The following CDKL3 variants were observed in gnomAD, a reference collection of about 807,000 sequenced individuals.
CDKL3 encodes the protein cyclin dependent kinase like 3.
In CDKL3, 65 loss-of-function variants were observed where a neutral mutation model predicts 69.3. The observed-to-expected ratio is 0.94, with a 90% CI of 0.77 to 1.15. CDKL3 has a LOEUF of 1.15. Ranked by LOEUF, CDKL3 falls within the 50% of genes most tolerant of loss-of-function variation. The probability of loss-of-function intolerance (pLI) is 0.00; values close to 1 mark genes in which losing one functional copy is unlikely to be tolerated. For synonymous variants in CDKL3, 202 were observed against 221.6 expected (o/e 0.91, Z 0.79); for missense variants, 652 against 689.2 (o/e 0.95, Z 0.61).
At position 134,359,077 on chromosome 5, in the gene CDKL3, G is replaced by T. The variant is rs1371993020; in HGVS notation, c.360+820C>A. 2.0e-5 allele frequency among the ~76,000 whole-genome samples: 3 copies of T among 152,222 alleles called. No homozygotes were observed. The East Asian group carries it at 5.8e-4, about 30-fold the overall frequency. On this transcript the variant is annotated intron_variant, in intron 3 of 12. Coordinates refer to ENST00000265334, the MANE Select transcript of CDKL3 (RefSeq NM_001113575.2). ...GAGGCGGGCAAATCACTTGAGCCCAGGAGTTTGAGACCAGCCTGGGTAACA... is the reference window on the plus strand; with the variant it reads ...GAGGCGGGCAAATCACTTGAGCCCATGAGTTTGAGACCAGCCTGGGTAACA...
intron 4 of CDKL3, among the ~76,000 whole-genome samples, chr5:134,340,875 T>TA (rs1417096427): frequency 6.6e-6 from 1 of 152,128 alleles, no homozygotes; most frequent in Non-Finnish European, 1.5e-5. Flanking sequence ...ATTTCCCTGA[T>TA]ACCCAAACCA....
At chr5:134,321,703 C>T (rs898411030) in intron 5 of CDKL3, 88 bp downstream of exon 5, 4 of 746,726 alleles carry the variant, frequency 5.4e-6, no homozygotes, top group Non-Finnish European at 6.8e-6. Context: ...TGTACTTACA[C>T]AGAAAAGCTA....
At position 134,304,476 on chromosome 5, in the gene CDKL3, G is replaced by T; in HGVS notation, c.1550C>A (p.Ser517Tyr). 2 of 1,612,774 alleles carry T rather than the reference G, an allele frequency of 1.2e-6. No individual in the cohort carries two copies. Among genetic ancestry groups the T allele is most frequent in the Middle Eastern group, 1.7e-4 (1 of 6,060 alleles). ...ENKRKLNFSR[S>Y]DRKEFHFPEL... is the part of the protein sequence containing the mutation. ...TGGAAAATGGAATTCTTTCCTGTCA[G>T]ATCTGGAAAAATTCAGCTTCCTTTT... is the stretch of plus-strand genomic sequence containing the variant. Residue 517 changes from serine (S) to tyrosine (Y), a missense_variant, in exon 11 of 13, where the codon TCT becomes TAT. Ser to Tyr is a moderately radical substitution (Grantham distance 144). Transcript: ENST00000265334.
downstream of CDKL3, among the ~76,000 whole-genome samples, chr5:134,283,435 C>T (rs1764714547): frequency 6.6e-6 from 1 of 152,168 alleles, no homozygotes; most frequent in Non-Finnish European, 1.5e-5. Flanking sequence ...CAGCAAGTCA[C>T]ATCTTACGTG....
chr5:134,314,489 A>G (rs962616564), intron 6 of CDKL3, among the ~76,000 whole-genome samples: 3 of 152,246 alleles, frequency 2.0e-5, no homozygotes, highest in African/African-American at 7.2e-5. Context: ...GTTCCATACA[A>G]AGACAAACAT....
intron 4 of CDKL3, among the ~76,000 whole-genome samples, chr5:134,336,887 C>T (rs1777247418): frequency 6.6e-6 from 1 of 152,240 alleles, no homozygotes; most frequent in South Asian, 2.1e-4. Context: ...ACGTTTAAGT[C>T]TGCAGAAGCT....
intron 12 of CDKL3, 55 bp downstream of exon 12, chr5:134,302,535 A>G: frequency 1.2e-6 from 1 of 866,524 alleles, no homozygotes; most frequent in Non-Finnish European, 1.8e-6. Context: ...TTATACACTG[A>G]GTCAAGTCCT....
downstream of CDKL3, among the ~76,000 whole-genome samples, chr5:134,295,011 CTTTTTT>C (rs869256167): frequency 2.9e-4 from 29 of 100,424 alleles, no homozygotes; most frequent in Non-Finnish European, 5.5e-4. Flanking sequence ...ATTTTTTTTT[CTTTTTT>C]TTTTTTTTTT....
At chr5:134,369,829 T>TA (rs1319896395), upstream of CDKL3, among the ~76,000 whole-genome samples, 3 of 152,176 alleles carry the variant, frequency 2.0e-5, no homozygotes, top group Non-Finnish European at 4.4e-5. Flanking sequence ...AGGCATGAGC[T>TA]AATGCCCCAG....
chr5:134,350,392 T>G lies in CDKL3; in HGVS notation c.396A>C (p.Leu132Phe), dbSNP rs1752961832. The G allele has an allele frequency of 6.4e-7, 1 of 1,570,722 alleles. No homozygotes were observed. The highest frequency in any genetic ancestry group is 1.2e-5 in the South Asian group (1 of 85,346). ...IHRDIKPENI[L>F]VSQSGITKLC... ...GCTTAGTAATTCCTGACTGGGATAC[T>G]AAAATATTCTCAGGTTTTATATCTC... Residue 132 changes from leucine to phenylalanine, a missense_variant, in exon 4 of 13, where the codon TTA becomes TTC. Transcript: ENST00000265334.
chr5:134,291,838 T>C (rs1435961200), intron 8 of CDKL3, among the ~76,000 whole-genome samples: 1 of 151,636 alleles, frequency 6.6e-6, no homozygotes, highest in African/African-American at 2.4e-5. Context: ...GTAACACGTA[T>C]CAGCTTTACC....
intron 6 of CDKL3, among the ~76,000 whole-genome samples, chr5:134,317,825 C>T (rs1300765313): frequency 6.6e-6 from 1 of 151,976 alleles, no homozygotes; most frequent in African/African-American, 2.4e-5. Flanking sequence ...GGAGGATCAG[C>T]TGAGCTCAGG....
At chr5:134,366,910 G>T (rs999137764) in intron 1 of CDKL3, 67 bp downstream of exon 1, 8 of 996,334 alleles carry the variant, frequency 8.0e-6, no homozygotes, top group Non-Finnish European at 9.6e-6. Context: ...CCACTTATCA[G>T]GCCCAAGGTC....
intron 12 of CDKL3, chr5:134,299,835 A>C: frequency 1.1e-6 from 1 of 876,654 alleles, no homozygotes; most frequent in Non-Finnish European, 1.8e-6. Context: ...AAATACTTGT[A>C]CTTTGCCCCT....
intron 4 of CDKL3, among the ~76,000 whole-genome samples, chr5:134,341,099 G>C (rs1471125138): frequency 6.6e-6 from 1 of 152,032 alleles, no homozygotes; most frequent in Non-Finnish European, 1.5e-5. Flanking sequence ...TTCTCATTTT[G>C]ATCATTTCAA....
At chr5:134,287,603 C>A (rs1037565361) in intron 8 of CDKL3, among the ~76,000 whole-genome samples, 1 of 152,208 alleles carries the variant, frequency 6.6e-6, no homozygotes, top group Non-Finnish European at 1.5e-5. Flanking sequence ...CCTGCCACTG[C>A]CATTGCCATA....
chr5:134,371,326 G>A (rs1758379533), upstream of CDKL3: 4 of 578,004 alleles, frequency 6.9e-6, no homozygotes, highest in South Asian at 7.9e-5. Context: ...AGCCCAGGGG[G>A]AACCGCGCCC....
chr5:134,349,012 A>T (rs1752610791), intron 4 of CDKL3, among the ~76,000 whole-genome samples: 2 of 152,144 alleles, frequency 1.3e-5, no homozygotes, highest in South Asian at 4.1e-4. Flanking sequence ...CCTGGGTTAG[A>T]ATCCTGGTTC....
intron 4 of CDKL3, among the ~76,000 whole-genome samples, chr5:134,332,704 G>C: frequency 6.6e-6 from 1 of 152,194 alleles, no homozygotes; most frequent in Non-Finnish European, 1.5e-5. Context: ...TAGCCTTGTA[G>C]TATAGTTTGA....
Sources: allele counts gnomAD v4.1 joint callset (sites outside exome capture counted in the v4.1 genomes callset), GRCh38; gene constraint gnomAD v4.1.1; transcripts MANE v1.5; gene names NCBI Gene and HGNC (gene_info 2026-07-23, HGNC 2026-07-21).